Variants in ROBO2 observed in about 807,000 individuals in gnomAD.
The protein encoded by ROBO2 is roundabout homolog 2.
ROBO2 carries 53 observed loss-of-function variants against 160.8 expected under a neutral mutation model. The observed-to-expected ratio is 0.33, with a 90% CI of 0.26 to 0.41. The LOEUF (loss-of-function observed/expected upper bound fraction) is 0.41, where lower values mean the gene tolerates loss of function less well. Among genes scored for constraint, ROBO2 ranks in the 10% least tolerant of loss-of-function variants. ROBO2 has a pLI of 1.00. For synonymous variants in ROBO2, 664 were observed against 611.7 expected (o/e 1.09, Z -1.26); for missense variants, 1,577 against 1,722.4 (o/e 0.92, Z 1.49).
chr3:77,320,624 C>T (rs183609442), intron 2 of ROBO2, among the ~76,000 whole-genome samples: 28 of 151,544 alleles, frequency 1.8e-4, no homozygotes, highest in African/African-American at 6.8e-4. Flanking sequence ...ATGAAAGGTA[C>T]TGATTTGTAT....
At chr3:77,513,850 G>A (rs571689428) in intron 5 of ROBO2, among the ~76,000 whole-genome samples, 118 of 151,838 alleles carry the variant, frequency 7.8e-4, no homozygotes, top group African/African-American at 2.8e-3. Flanking sequence ...TGATTGGGTT[G>A]CATTTTTCAG....
At chr3:76,957,064 A>G (rs1481140348) in intron 2 of ROBO2, among the ~76,000 whole-genome samples, 2 of 152,118 alleles carry the variant, frequency 1.3e-5, no homozygotes, top group Non-Finnish European at 2.9e-5. Context: ...CCTAAGTTTA[A>G]ATACACCACT....
At chr3:77,372,471 T>C (rs2071913103) in intron 2 of ROBO2, among the ~76,000 whole-genome samples, 1 of 152,166 alleles carries the variant, frequency 6.6e-6, no homozygotes, top group Non-Finnish European at 1.5e-5. Flanking sequence ...TGAGGTCCCA[T>C]ACTAAAGCTG....
intron 2 of ROBO2, among the ~76,000 whole-genome samples, chr3:76,663,087 G>T (rs2091893246): frequency 6.6e-6 from 1 of 152,126 alleles, no homozygotes; most frequent in African/African-American, 2.4e-5. Context: ...AACCAAGAAA[G>T]TGTATCAGTG....
chr3:76,228,110 T>TA (rs1375430105), intron 2 of ROBO2, among the ~76,000 whole-genome samples: 6 of 152,192 alleles, frequency 3.9e-5, no homozygotes, highest in African/African-American at 1.4e-4. Flanking sequence ...TGTGGATGTT[T>TA]AAAAACATGT....
chr3:77,192,650 CTTTTTT>C (rs71629633), intron 2 of ROBO2, among the ~76,000 whole-genome samples: 4 of 110,038 alleles, frequency 3.6e-5, no homozygotes, highest in African/African-American at 1.5e-4. Flanking sequence ...AACACAATTC[CTTTTTT>C]TTTTTTTTTT....
At chr3:76,543,600 G>A (rs1288489191) in intron 2 of ROBO2, among the ~76,000 whole-genome samples, 3 of 151,992 alleles carry the variant, frequency 2.0e-5, no homozygotes, top group Admixed American at 6.6e-5. Context: ...CTATAACTGC[G>A]GCAAATTATT....
exon 1 of ROBO2, chr3:77,040,422 C>T (rs994066658): frequency 2.8e-5 from 29 of 1,048,268 alleles, no homozygotes; most frequent in East Asian, 1.6e-4. Flanking sequence ...CCTCCCCCTT[C>T]ATCATCTTGA....
At chr3:76,622,235 GAAGAAAGA>G (rs66811756) in intron 2 of ROBO2, among the ~76,000 whole-genome samples, 1,458 of 44,452 alleles carry the variant, frequency 0.033, 59 homozygotes, top group African/African-American at 0.044. Context: ...AGGAAGGAAG[GAAGAAAGA>G]AAGAAAGAAA....
intron 1 of ROBO2, among the ~76,000 whole-genome samples, chr3:75,929,696 C>G (rs976567144): frequency 3.3e-5 from 5 of 151,404 alleles, no homozygotes; most frequent in African/African-American, 1.2e-4. Flanking sequence ...CCTGGGCACT[C>G]TTGTCTTTTT....
chr3:76,665,100 G>A (rs1412740719), intron 2 of ROBO2, among the ~76,000 whole-genome samples: 1 of 152,082 alleles, frequency 6.6e-6, no homozygotes, highest in African/African-American at 2.4e-5. Flanking sequence ...GCTGAGGAAT[G>A]TATGGAAGTT....
intron 2 of ROBO2, among the ~76,000 whole-genome samples, chr3:77,204,290 C>T (rs2083200505): frequency 6.6e-6 from 1 of 152,112 alleles, no homozygotes; most frequent in Non-Finnish European, 1.5e-5. Flanking sequence ...TCAGTGCATG[C>T]AACTAAAATA....
At chr3:77,081,333 G>T (rs2068634468) in intron 1 of ROBO2, among the ~76,000 whole-genome samples, 1 of 152,188 alleles carries the variant, frequency 6.6e-6, no homozygotes, top group Admixed American at 6.5e-5. Flanking sequence ...AGGCAATTCT[G>T]TCTTGGATGC....
chr3:76,187,758 T>C (rs1443266241), intron 2 of ROBO2, among the ~76,000 whole-genome samples: 1 of 152,136 alleles, frequency 6.6e-6, no homozygotes, highest in Non-Finnish European at 1.5e-5. Context: ...CTTGAATATG[T>C]CCACCTCTTT....
At chr3:76,092,304 C>T (rs1295706205) in intron 2 of ROBO2, among the ~76,000 whole-genome samples, 1 of 152,086 alleles carries the variant, frequency 6.6e-6, no homozygotes, top group Admixed American at 6.6e-5. Flanking sequence ...ACTTGATTAT[C>T]TATTAATTCA....
intron 2 of ROBO2, among the ~76,000 whole-genome samples, chr3:75,982,108 C>G (rs2065295195): frequency 1.3e-5 from 2 of 151,492 alleles, no homozygotes; most frequent in Admixed American, 1.3e-4. Flanking sequence ...GAATCTCATT[C>G]TTTTTTATGG....
chr3:76,410,157 A>C (rs947665754), intron 2 of ROBO2, among the ~76,000 whole-genome samples: 10 of 152,248 alleles, frequency 6.6e-5, no homozygotes, highest in Admixed American at 4.6e-4. Flanking sequence ...TTTTCCAGCA[A>C]GTCTCTACTT....
chr3:77,477,085 A>G (rs1159787752), intron 2 of ROBO2, among the ~76,000 whole-genome samples: 1 of 152,192 alleles, frequency 6.6e-6, no homozygotes, highest in African/African-American at 2.4e-5. Context: ...CTATATAGAA[A>G]ATAGAATTAT....
intron 2 of ROBO2, among the ~76,000 whole-genome samples, chr3:76,071,810 A>G (rs931621347): frequency 6.6e-6 from 1 of 151,952 alleles, no homozygotes; most frequent in Non-Finnish European, 1.5e-5. Context: ...TATTATTATT[A>G]ATTAAAAGCT....
Sources: gnomAD v4.1 joint callset for allele counts (sites outside exome capture counted in the v4.1 genomes callset) on GRCh38, gnomAD v4.1.1 for gene constraint, MANE v1.5 for transcripts, NCBI Gene and HGNC (gene_info 2026-07-23, HGNC 2026-07-21) for gene names.